ZC3H13: variants seen among roughly 807,000 people sequenced by gnomAD.
ZC3H13 encodes zinc finger CCCH-type containing 13, also known as zinc finger CCCH domain-containing protein 13.
A neutral mutation model predicts 204.1 loss-of-function variants in ZC3H13; 64 were observed. The observed-to-expected ratio is 0.31, with a 90% CI of 0.26 to 0.39. ZC3H13 has a LOEUF of 0.39. Among genes scored for constraint, ZC3H13 ranks in the 10% least tolerant of loss-of-function variants. The probability of loss-of-function intolerance (pLI) is 1.00; values close to 1 mark genes in which losing one functional copy is unlikely to be tolerated. For missense variants in ZC3H13, 1,833 were observed against 2,082.7 expected, an observed-to-expected ratio of 0.88 and a Z score of 2.33; for synonymous variants, 667 against 693.7, an observed-to-expected ratio of 0.96 and a Z score of 0.60.
At chr13:46,032,604 T>C (rs1324324766) in intron 4 of ZC3H13, among the ~76,000 whole-genome samples, 2 of 152,220 alleles carry the variant, frequency 1.3e-5, no homozygotes, top group African/African-American at 2.4e-5. Context: ...AGTAAGATTA[T>C]GTAGGCATTT....
intron 7 of ZC3H13, among the ~76,000 whole-genome samples, chr13:46,007,598 T>A (rs1178077851): frequency 6.6e-6 from 1 of 152,242 alleles, no homozygotes; most frequent in Non-Finnish European, 1.5e-5. Context: ...AAGTACAGCA[T>A]TTCTTCACAT....
intron 8 of ZC3H13, among the ~76,000 whole-genome samples, chr13:45,997,215 A>G (rs531092598): frequency 6.6e-6 from 1 of 152,222 alleles, no homozygotes; most frequent in African/African-American, 2.4e-5. Context: ...CGAAGTCTCC[A>G]AATTATTCAA....
chr13:45,957,243 G>C lies in ZC3H13; in HGVS notation c.4894C>G (p.Arg1632Gly), dbSNP rs1446664564. The part of the protein sequence containing the change: ...SAPMVDNELL[R>G]LSLRLFKRKT... ...CGCTTAAATAACCGAAGACTCAATC[G>C]AAGTAATTCATTGTCTACCATTGGA... is the stretch of plus-strand genomic sequence containing the variant. Residue 1632 changes from arginine to glycine, a missense_variant, in exon 19 of 19, where the codon CGA (arginine) becomes GGA (glycine). Transcript: ENST00000679008. 3.9e-6 allele frequency: 6 copies of C among 1,547,616 alleles called. No homozygotes were observed. The highest frequency in any genetic ancestry group is 3.9e-5 in the Admixed American group (2 of 50,816).
intron 8 of ZC3H13, among the ~76,000 whole-genome samples, chr13:45,993,908 T>C (rs1183670192): frequency 1.3e-5 from 2 of 152,232 alleles, no homozygotes; most frequent in Non-Finnish European, 2.9e-5. Context: ...ATGTAAGTTC[T>C]AGATAATACA....
At chr13:45,990,836 C>T (rs754911694) in intron 8 of ZC3H13, among the ~76,000 whole-genome samples, 2 of 152,072 alleles carry the variant, frequency 1.3e-5, no homozygotes, top group Non-Finnish European at 2.9e-5. Context: ...GACAAGGTCT[C>T]GCTGTCACCC....
At chr13:45,965,250 T>TCA (rs1566148584) in intron 16 of ZC3H13, 30 bp downstream of exon 16, 1 of 1,608,378 alleles carries the variant, frequency 6.2e-7, no homozygotes, top group East Asian at 2.2e-5. Flanking sequence ...CAGATAATTT[T>TCA]CATGTTTAAC....
intron 8 of ZC3H13, among the ~76,000 whole-genome samples, chr13:45,997,997 G>A (rs1184795486): frequency 6.6e-6 from 1 of 152,142 alleles, no homozygotes; most frequent in African/African-American, 2.4e-5. Context: ...AGGTATTTAA[G>A]TAACTGTTGG....
At chr13:45,981,140 G>A (rs1953556479) in intron 10 of ZC3H13, among the ~76,000 whole-genome samples, 1 of 152,156 alleles carries the variant, frequency 6.6e-6, no homozygotes, top group African/African-American at 2.4e-5. Context: ...CAGTACTGGG[G>A]CTGTGATAAT....
At chr13:46,051,531 T>TA (rs1306796518) in intron 1 of ZC3H13, among the ~76,000 whole-genome samples, 1 of 152,222 alleles carries the variant, frequency 6.6e-6, no homozygotes, top group African/African-American at 2.4e-5. Flanking sequence ...TTTCAAATGT[T>TA]ACAGAACTAG....
At chr13:46,025,892 TA>T (rs56296632) in intron 4 of ZC3H13, among the ~76,000 whole-genome samples, 137,626 of 147,382 alleles carry the variant, frequency 0.93, 64,186 homozygotes, top group East Asian at 0.99. Context: ...TGATTAAAGC[TA>T]AAAAAAAAAA....
chr13:46,013,594 C>T (rs2138698762), intron 5 of ZC3H13, among the ~76,000 whole-genome samples: 1 of 152,130 alleles, frequency 6.6e-6, no homozygotes, highest in South Asian at 2.1e-4. Flanking sequence ...CACATTGCAA[C>T]TGACAGTATT....
chr13:45,975,741 A>G lies in ZC3H13; in HGVS notation c.2010T>C (p.Asp670=). 1 of 1,612,812 alleles carries G rather than the reference A, an allele frequency of 6.2e-7. No homozygotes were observed. Among genetic ancestry groups the G allele is most frequent in the Non-Finnish European group, 8.5e-7 (1 of 1,179,604 alleles). ...REERRVDRVD[D]RRDERARERD... The stretch of plus-strand genomic sequence containing the variant: ...TCTCTCTAGCCCTTTCATCTCTCCT[A>G]TCATCCACTCTGTCTACTCTTCGTT... The change falls in exon 12 of 19, where the codon GAT becomes GAC. Residue 670 remains aspartate, a synonymous_variant. Transcript: ENST00000679008.
chr13:46,011,324 ATAATT>A (rs1043579766), intron 6 of ZC3H13, 86 bp downstream of exon 6: 17 of 1,206,240 alleles, frequency 1.4e-5, no homozygotes, highest in Non-Finnish European at 1.8e-5. Flanking sequence ...GTATACTAAT[ATAATT>A]TAAGATGTAG....
rs769920920 is a variant in ZC3H13 at position 45,985,493 on chromosome 13, C to A, written c.1524G>T (p.Arg508Ser). ...GATGAGTATCTCGACCTTCACGGTC[C>A]CTGTAGTCATGGGCATCACGAGTGG... ...SRSTRDAHDYRDREGRDTHRK... is the reference protein window; with the variant it reads ...SRSTRDAHDYSDREGRDTHRK... Residue 508 changes from arginine (R) to serine (S), a missense_variant, in exon 10 of 19, where the codon AGG (arginine) becomes AGT (serine). Arg to Ser is a moderately radical substitution (Grantham distance 110). Coordinates refer to ENST00000679008, the MANE Select transcript of ZC3H13 (RefSeq NM_001330564.2). 9 of 1,614,146 alleles carry A rather than the reference C, an allele frequency of 5.6e-6. No homozygotes were observed. The highest frequency in any genetic ancestry group is 6.8e-6 in the Non-Finnish European group (8 of 1,180,026).
chr13:46,008,475 A>T (rs532966679), intron 7 of ZC3H13, among the ~76,000 whole-genome samples: 2 of 152,258 alleles, frequency 1.3e-5, no homozygotes, highest in Admixed American at 6.5e-5. Context: ...CAGTAATTAA[A>T]CCAGTGTGAA....
intron 8 of ZC3H13, among the ~76,000 whole-genome samples, chr13:45,999,645 T>C (rs2040598464): frequency 6.6e-6 from 1 of 152,264 alleles, no homozygotes; most frequent in African/African-American, 2.4e-5. Context: ...ATGAACGTTG[T>C]AATTGACTTC....
Position 46,052,441 on chromosome 13 carries a change from G to GCAC in ZC3H13, c.-50_-48dup, listed in dbSNP as rs1277322470. The GCAC allele has an allele frequency of 7.5e-6, 3 of 397,976 alleles. No homozygotes were observed. Among genetic ancestry groups the GCAC allele is most frequent in the Non-Finnish European group, 1.3e-5 (3 of 226,048 alleles). 24.7% of individuals were successfully genotyped at this position (397,976 alleles called of 1,614,324 possible). On this transcript the variant is annotated 5_prime_UTR_variant, in exon 1 of 19. Transcript: ENST00000679008. ...CTCCCTTCGCAAGTGCAGTCCGGAG[G>GCAC]CACCACCGCCGCCGCCGCTCCGAGG...
intron 12 of ZC3H13, among the ~76,000 whole-genome samples, chr13:45,974,599 G>C (rs1349132232): frequency 2.0e-5 from 3 of 152,208 alleles, no homozygotes; most frequent in Admixed American, 6.5e-5. Flanking sequence ...CACAGCACAA[G>C]AGAAGACACT....
chr13:45,982,963 T>TA (rs1193199471), intron 10 of ZC3H13, among the ~76,000 whole-genome samples: 8 of 151,902 alleles, frequency 5.3e-5, no homozygotes, highest in Admixed American at 5.2e-4. Flanking sequence ...AATATTCAAA[T>TA]AAAAAAATGA....
Sources: allele counts gnomAD v4.1 joint callset (sites outside exome capture counted in the v4.1 genomes callset), GRCh38; gene constraint gnomAD v4.1.1; transcripts MANE v1.5; gene names NCBI Gene and HGNC (gene_info 2026-07-23, HGNC 2026-07-21).